FOXN3: variants seen among roughly 807,000 people sequenced by gnomAD.
The protein encoded by FOXN3 is forkhead box N3.
Under a neutral mutation model 38.4 loss-of-function variants are expected in FOXN3, and 7 were observed. That is an observed-to-expected ratio of 0.18 (90% confidence interval 0.10 to 0.34). The LOEUF is 0.34. Ranked by LOEUF, FOXN3 falls within the 10% of genes least tolerant of loss-of-function variation. The pLI is 1.00. For missense variants in FOXN3, 456 were observed against 613.4 expected (o/e 0.74, Z 2.71); for synonymous variants, 230 against 242.2 (o/e 0.95, Z 0.47).
At position 89,156,439 on chromosome 14, in the gene FOXN3, G is replaced by T. The variant is rs1041478202; in HGVS notation, c.*5975C>A. Reference sequence around the variant, plus strand: ...TTACATGAACATAACAGAACATCACGTTCTTTCTCCTTTATGGTTCTCCCT... The same window carrying T: ...TTACATGAACATAACAGAACATCACTTTCTTTCTCCTTTATGGTTCTCCCT... On this transcript the variant is annotated 3_prime_UTR_variant, in exon 6 of 6. Transcript: ENST00000557258. The T allele has an allele frequency of 6.6e-6, 1 of 152,510 alleles. No homozygotes were observed. The highest frequency in any genetic ancestry group is 1.5e-5 in the Non-Finnish European group (1 of 68,018). 9.4% of individuals were successfully genotyped at this position (152,510 alleles called of 1,614,324 possible).
intron 1 of FOXN3, among the ~76,000 whole-genome samples, chr14:89,428,127 T>C (rs1480637654): frequency 1.3e-5 from 2 of 152,226 alleles, no homozygotes; most frequent in Non-Finnish European, 2.9e-5. Flanking sequence ...ACGAGAGTCT[T>C]TTTAAAACAA....
At chr14:89,372,716 G>A (rs1228108850) in intron 2 of FOXN3, among the ~76,000 whole-genome samples, 1 of 119,980 alleles carries the variant, frequency 8.3e-6, no homozygotes, top group Non-Finnish European at 2.0e-5. Context: ...GCTGTCTCAT[G>A]GGGTAAAAAA....
chr14:89,511,259 C>CT lies in FOXN3; in HGVS notation c.-14-98770dup, dbSNP rs1337446765. Among the ~76,000 whole-genome samples, 275 of 31,872 alleles carry CT rather than the reference C, an allele frequency of 8.6e-3. 62 individuals carry two copies. Among genetic ancestry groups the CT allele is most frequent in the African/African-American group, 0.026 (260 of 9,996 alleles). The allele number at this position is 31,872 out of a possible 152,430, so 20.9% of individuals were successfully genotyped here. On this transcript the variant is annotated intron_variant, in intron 1 of 6. Coordinates refer to the FOXN3 transcript ENST00000345097. ...TTCCTTTTCTTTCTTTTCTTTCTTT[C>CT]TTTCTTTCTTTCTTTCTTTCTTTCT...
At chr14:89,343,261 T>C (rs1344338170) in intron 3 of FOXN3, among the ~76,000 whole-genome samples, 1 of 152,304 alleles carries the variant, frequency 6.6e-6, no homozygotes, top group South Asian at 2.1e-4. Flanking sequence ...TTTAAGGATT[T>C]TCTAATCTTC....
At chr14:89,241,131 A>G (rs977136251) in intron 4 of FOXN3, among the ~76,000 whole-genome samples, 5 of 152,172 alleles carry the variant, frequency 3.3e-5, no homozygotes, top group East Asian at 3.9e-4. Flanking sequence ...GTAGTGGCTG[A>G]GCCAGACACT....
intron 3 of FOXN3, among the ~76,000 whole-genome samples, chr14:89,299,127 G>A (rs1887139870): frequency 6.6e-6 from 1 of 151,588 alleles, no homozygotes; most frequent in South Asian, 2.1e-4. Context: ...TATTATCACA[G>A]CCTAGAAAGT....
intron 4 of FOXN3, among the ~76,000 whole-genome samples, chr14:89,195,287 C>T (rs1888068272): frequency 6.6e-6 from 1 of 152,166 alleles, no homozygotes; most frequent in Admixed American, 6.5e-5. Context: ...TCTCTTCCTC[C>T]TGTGCCTCTC....
At chr14:89,262,114 A>AC (rs2139893221) in intron 4 of FOXN3, among the ~76,000 whole-genome samples, 1 of 152,200 alleles carries the variant, frequency 6.6e-6, no homozygotes, top group East Asian at 1.9e-4. Flanking sequence ...AAAGAAAAAA[A>AC]AAAGGAGAAG....
chr14:89,512,510 G>A lies in FOXN3; in HGVS notation c.-14-100020C>T, dbSNP rs144321870. 6.6e-5 allele frequency among the ~76,000 whole-genome samples: 10 copies of A among 152,322 alleles called. No individual in the cohort carries two copies. In the South Asian group the frequency reaches 8.3e-4, roughly 13 times the overall value. On this transcript the variant is annotated intron_variant, in intron 1 of 6. Coordinates refer to the FOXN3 transcript ENST00000345097. Reference sequence around the variant, plus strand: ...TAGGAAATATATGAGGGAAACCCACGGAAGATAAGAGTTATTCTAGTAAGG... The same window carrying A: ...TAGGAAATATATGAGGGAAACCCACAGAAGATAAGAGTTATTCTAGTAAGG...
intron 1 of FOXN3, among the ~76,000 whole-genome samples, chr14:89,501,233 G>A (rs879932833): frequency 2.0e-5 from 3 of 152,176 alleles, no homozygotes; most frequent in Admixed American, 6.5e-5. Flanking sequence ...AAATGTGCAC[G>A]ATCAAAATAT....
intron 1 of FOXN3, among the ~76,000 whole-genome samples, chr14:89,501,425 T>C (rs926255078): frequency 6.6e-6 from 1 of 152,208 alleles, no homozygotes; most frequent in Non-Finnish European, 1.5e-5. Context: ...CGAGGGTTTT[T>C]CTACCTTGTT....
At chr14:89,507,909 G>T (rs750339524) in intron 1 of FOXN3, among the ~76,000 whole-genome samples, 1 of 152,190 alleles carries the variant, frequency 6.6e-6, no homozygotes, top group African/African-American at 2.4e-5. Flanking sequence ...AGAAATGATT[G>T]TAACTGTTTT....
rs7148677 is a variant in FOXN3 at position 89,474,965 on chromosome 14, G to A, written c.-14-62475C>T. 9.6e-3 allele frequency among the ~76,000 whole-genome samples: 1,463 copies of A among 152,098 alleles called. 24 individuals carry two copies. Among genetic ancestry groups the A allele is most frequent in the African/African-American group, 0.034 (1,392 of 41,486 alleles). ...CGAGTAGCTGGGATAACAGGCACCC[G>A]CCACCACGCCCGGCTAATTTTTGTA... is the stretch of plus-strand genomic sequence containing the variant. On this transcript the variant is annotated intron_variant, in intron 1 of 6. Coordinates refer to the FOXN3 transcript ENST00000345097.
intron 4 of FOXN3, among the ~76,000 whole-genome samples, chr14:89,268,684 C>CTG (rs1886056825): frequency 6.6e-6 from 1 of 152,156 alleles, no homozygotes; most frequent in African/African-American, 2.4e-5. Context: ...CTCCCAGAGC[C>CTG]AGGATGTGAA....
chr14:89,393,387 G>A (rs777207111), intron 2 of FOXN3, among the ~76,000 whole-genome samples: 9 of 152,198 alleles, frequency 5.9e-5, no homozygotes, highest in Non-Finnish European at 1.2e-4. Context: ...TTATCTTTCT[G>A]AGGGATACAA....
intron 2 of FOXN3, among the ~76,000 whole-genome samples, chr14:89,365,495 C>A (rs560538594): frequency 6.6e-6 from 1 of 152,104 alleles, no homozygotes; most frequent in Non-Finnish European, 1.5e-5. Flanking sequence ...GTCAGAAGGC[C>A]AAAGAGGTGG....
At position 89,336,578 on chromosome 14, in the gene FOXN3, G is replaced by A. The variant is rs117596586; in HGVS notation, c.680+14094C>T. Among the ~76,000 whole-genome samples the A allele has an allele frequency of 7.9e-5, 12 of 152,304 alleles. No homozygotes were observed. In the East Asian group the frequency reaches 2.1e-3, roughly 27 times the overall value. On this transcript the variant is annotated intron_variant, in intron 3 of 5. Transcript: ENST00000557258. Reference sequence around the variant, plus strand: ...GGCTCAGGTCCCAGCTCAGCCATCTGCAAGCTGTGTGACCTGCTCTTTATA... The same window carrying A: ...GGCTCAGGTCCCAGCTCAGCCATCTACAAGCTGTGTGACCTGCTCTTTATA...
intron 3 of FOXN3, among the ~76,000 whole-genome samples, chr14:89,297,456 AG>A (rs894277638): frequency 2.0e-5 from 3 of 151,528 alleles, no homozygotes; most frequent in African/African-American, 7.3e-5. Flanking sequence ...GCTACTCAGG[AG>A]GCTGAGGCGA....
intron 1 of FOXN3, among the ~76,000 whole-genome samples, chr14:89,479,508 C>T (rs942976693): frequency 1.3e-5 from 2 of 152,178 alleles, no homozygotes; most frequent in African/African-American, 4.8e-5. Context: ...GAGCTGTAGT[C>T]GGTGGTGGCG....
Sources: allele counts gnomAD v4.1 joint callset (sites outside exome capture counted in the v4.1 genomes callset), GRCh38; gene constraint gnomAD v4.1.1; transcripts MANE v1.5; gene names NCBI Gene and HGNC (gene_info 2026-07-23, HGNC 2026-07-21).